Variants in WAC observed in about 807,000 individuals in gnomAD.
WAC encodes the protein WW domain-containing adapter protein with coiled-coil.
WAC carries 11 observed loss-of-function variants against 79.6 expected under a neutral mutation model. The observed-to-expected ratio is 0.14, with a 90% CI of 0.09 to 0.23. The LOEUF (loss-of-function observed/expected upper bound fraction) is 0.23. Ranked by LOEUF, WAC falls within the 10% of genes least tolerant of loss-of-function variation. WAC has a pLI of 1.00. For missense variants in WAC, 728 were observed against 773.5 expected (o/e 0.94, Z 0.70); for synonymous variants, 304 against 276.9 (o/e 1.10, Z -0.97).
intron 3 of WAC, among the ~76,000 whole-genome samples, chr10:28,563,712 T>C (rs1284907601): frequency 7.0e-6 from 1 of 142,542 alleles, no homozygotes; most frequent in Non-Finnish European, 1.5e-5. Context: ...CCTGAGTAGC[T>C]GGGACTACAA....
intron 3 of WAC, among the ~76,000 whole-genome samples, chr10:28,577,866 T>A (rs1839325172): frequency 6.6e-6 from 1 of 152,170 alleles, no homozygotes; most frequent in Non-Finnish European, 1.5e-5. Flanking sequence ...CTATTAAAAA[T>A]TCAGGTATTA....
intron 8 of WAC, among the ~76,000 whole-genome samples, chr10:28,609,697 A>G (rs1841132308): frequency 6.6e-6 from 1 of 151,816 alleles, no homozygotes; most frequent in Non-Finnish European, 1.5e-5. Flanking sequence ...AACATGGTGA[A>G]CCCCATCTCT....
In WAC at chr10:28,589,786, A is replaced by G. The variant is rs137937625; in HGVS notation, c.432A>G (p.Lys144=). The G allele has an allele frequency of 1.3e-4, 212 of 1,613,988 alleles. No individual in the cohort carries two copies. In the African/African-American group the frequency reaches 2.4e-3, roughly 18 times the overall value. ...DWSEHISSSG[K]KYYYNCRTEV... is the part of the protein sequence containing the mutation. ...CTGAGCATATTAGCTCTTCTGGGAA[A>G]AAGTACTACTACAATTGTCGAACAG... The change falls in exon 5 of 14, where the codon AAA becomes AAG. Residue 144 remains lysine (K), a synonymous_variant. Transcript: ENST00000354911.
Position 28,622,423 on chromosome 10 carries a change from C to T in WAC, c.*2817C>T, listed in dbSNP as rs1159123025. 4 of 8,546 alleles carry T rather than the reference C, an allele frequency of 4.7e-4. No individual in the cohort carries two copies. Among genetic ancestry groups the T allele is most frequent in the African/African-American group, 2.0e-3 (4 of 1,986 alleles). 0.5% of individuals were successfully genotyped at this position (8,546 alleles called of 1,614,324 possible). Reference sequence around the variant, plus strand: ...GAACTTGAGTGGCCTTTCCCTCCCCCTGCCCCCCCCCCCCCCCCCCCGTTT... The same window carrying T: ...GAACTTGAGTGGCCTTTCCCTCCCCTTGCCCCCCCCCCCCCCCCCCCGTTT... On this transcript the variant is annotated 3_prime_UTR_variant, in exon 14 of 14. Transcript: ENST00000354911.
At chr10:28,569,247 A>C (rs1289565811) in intron 3 of WAC, among the ~76,000 whole-genome samples, 1 of 152,194 alleles carries the variant, frequency 6.6e-6, no homozygotes, top group Non-Finnish European at 1.5e-5. Context: ...TTTTAAAAAT[A>C]ATGGTAAAAA....
chr10:28,599,123 A>G (rs1196029372), intron 7 of WAC, among the ~76,000 whole-genome samples: 1 of 152,190 alleles, frequency 6.6e-6, no homozygotes, highest in Non-Finnish European at 1.5e-5. Context: ...TGTTATTTAA[A>G]TTAAGCTTTC....
At chr10:28,578,132 T>C (rs1839340861) in intron 3 of WAC, among the ~76,000 whole-genome samples, 1 of 152,104 alleles carries the variant, frequency 6.6e-6, no homozygotes, top group Non-Finnish European at 1.5e-5. Context: ...GCATTCCAGC[T>C]TGGGTAACTG....
chr10:28,563,744 CTTT>C (rs71281550), intron 3 of WAC, among the ~76,000 whole-genome samples: 6 of 67,928 alleles, frequency 8.8e-5, no homozygotes, highest in Admixed American at 4.5e-4. Context: ...CTACACCCAG[CTTT>C]TTTTTTTTTT....
At chr10:28,597,060 TTA>T (rs1357964655) in intron 7 of WAC, among the ~76,000 whole-genome samples, 1 of 152,012 alleles carries the variant, frequency 6.6e-6, no homozygotes, top group Admixed American at 6.5e-5. Flanking sequence ...TTATTACATG[TTA>T]TATGCATGTA....
chr10:28,596,001 A>G lies in WAC; in HGVS notation c.879A>G (p.Thr293=), dbSNP rs998065676. ...NGASTLSKLP[T]PTSSVPAQKT... ...CATCTACTTTATCAAAACTGCCTAC[A>G]CCCACATCTTCTGTCCCTGCACAGA... The change falls in exon 7 of 14, where the codon ACA becomes ACG. Residue 293 remains threonine (T), a synonymous_variant. Transcript: ENST00000354911. 1 of 1,613,968 alleles carries G rather than the reference A, an allele frequency of 6.2e-7. No individual in the cohort carries two copies. The highest frequency in any genetic ancestry group is 1.3e-5 in the African/African-American group (1 of 74,904).
At chr10:28,558,060 C>T (rs1190981985) in intron 3 of WAC, among the ~76,000 whole-genome samples, 2 of 151,734 alleles carry the variant, frequency 1.3e-5, no homozygotes, top group East Asian at 1.9e-4. Flanking sequence ...GGCAACAGAG[C>T]GAGATTCTGT....
chr10:28,571,606 T>C (rs1286341029), intron 3 of WAC, among the ~76,000 whole-genome samples: 1 of 152,266 alleles, frequency 6.6e-6, no homozygotes, highest in Admixed American at 6.5e-5. Context: ...CTTACTTTAC[T>C]ATCTTAATGT....
chr10:28,603,966 T>A (rs867363565), intron 7 of WAC, among the ~76,000 whole-genome samples: 1,627 of 8,720 alleles, frequency 0.19, 285 homozygotes, highest in African/African-American at 0.36. Context: ...TGTATGTATA[T>A]ATATATATAT....
At chr10:28,580,298 T>G (rs566441139) in intron 3 of WAC, among the ~76,000 whole-genome samples, 50 of 152,324 alleles carry the variant, frequency 3.3e-4, no homozygotes, top group African/African-American at 1.2e-3. Context: ...GAGGTATAAT[T>G]AATTGGAATG....
chr10:28,579,065 T>C (rs555534130), intron 3 of WAC, among the ~76,000 whole-genome samples: 1 of 151,668 alleles, frequency 6.6e-6, no homozygotes, highest in African/African-American at 2.4e-5. Flanking sequence ...CTTTAAGACT[T>C]AACTTTATCA....
At chr10:28,578,973 A>G (rs1839390120) in intron 3 of WAC, among the ~76,000 whole-genome samples, 1 of 152,128 alleles carries the variant, frequency 6.6e-6, no homozygotes, top group Non-Finnish European at 1.5e-5. Flanking sequence ...TAAAGTTGCA[A>G]GCTTAAGTAT....
intron 6 of WAC, among the ~76,000 whole-genome samples, chr10:28,592,287 T>C (rs2132686388): frequency 6.6e-6 from 1 of 152,238 alleles, no homozygotes; most frequent in African/African-American, 2.4e-5. Context: ...ACCCAGCTTG[T>C]GGGTTTTTTG....
chr10:28,619,476 T>C, intron 13 of WAC, 61 bp from the exon 14 acceptor site: 1 of 1,263,966 alleles, frequency 7.9e-7, no homozygotes, highest in Non-Finnish European at 1.1e-6. Flanking sequence ...TTATAAAAGC[T>C]CGGGTTTTCT....
chr10:28,611,607 A>T (rs1025398618), intron 9 of WAC, 167 bp from the exon 10 acceptor site: 8 of 1,221,536 alleles, frequency 6.5e-6, no homozygotes, highest in Admixed American at 5.6e-5. Flanking sequence ...AGTGTGGCCC[A>T]GTGAGAAGGT....
Sources: allele counts gnomAD v4.1 joint callset (sites outside exome capture counted in the v4.1 genomes callset), GRCh38; gene constraint gnomAD v4.1.1; transcripts MANE v1.5; gene names NCBI Gene and HGNC (gene_info 2026-07-23, HGNC 2026-07-21).